The following CFDP1 variants were observed in gnomAD, a reference collection of about 807,000 sequenced individuals.
The protein encoded by CFDP1 is chromatin remodeling protein CFDP1.
A neutral mutation model predicts 40.1 loss-of-function variants in CFDP1; 31 were observed. The observed-to-expected ratio is 0.77, with a 90% CI of 0.58 to 1.04. The LOEUF (loss-of-function observed/expected upper bound fraction) is 1.04. CFDP1 is among the 50% of genes least tolerant of loss of function. CFDP1 has a pLI of 0.00. For missense variants in CFDP1, 423 were observed against 343.4 expected (o/e 1.23, Z -1.83); for synonymous variants, 167 against 120.0 (o/e 1.39, Z -2.56).
chr16:75,305,231 T>G, intron 5 of CFDP1, 49 bp from the exon 6 acceptor site: 3 of 1,578,864 alleles, frequency 1.9e-6, no homozygotes, highest in Non-Finnish European at 2.6e-6. Flanking sequence ...CTCTGATCTC[T>G]ATATTAACAG....
chr16:75,328,978 C>T (rs189167040), intron 5 of CFDP1, among the ~76,000 whole-genome samples: 15 of 151,980 alleles, frequency 9.9e-5, no homozygotes, highest in African/African-American at 3.1e-4. Context: ...TCCCGAGCAG[C>T]TGGGACTACA....
intron 4 of CFDP1, among the ~76,000 whole-genome samples, chr16:75,409,051 G>A (rs1473717123): frequency 1.3e-5 from 2 of 151,676 alleles, no homozygotes; most frequent in Non-Finnish European, 2.9e-5. Flanking sequence ...TAGAGACGGG[G>A]TTTCATCATG....
chr16:75,396,706 A>T (rs1340331966), intron 4 of CFDP1, among the ~76,000 whole-genome samples: 1 of 110,482 alleles, frequency 9.1e-6, no homozygotes, highest in Non-Finnish European at 2.1e-5. Context: ...AATTATCTTC[A>T]CTAAAACTGA....
chr16:75,343,852 C>G (rs9928744), intron 5 of CFDP1, among the ~76,000 whole-genome samples: 1 of 152,000 alleles, frequency 6.6e-6, no homozygotes, highest in Non-Finnish European at 1.5e-5. Context: ...TGTAGATGAT[C>G]TGGTAGTTGA....
intron 5 of CFDP1, among the ~76,000 whole-genome samples, chr16:75,311,806 T>C (rs2078294572): frequency 6.6e-6 from 1 of 151,022 alleles, no homozygotes; most frequent in Non-Finnish European, 1.5e-5. Context: ...AGTCTTGCTA[T>C]GTTGCCCAGA....
intron 5 of CFDP1, among the ~76,000 whole-genome samples, chr16:75,373,528 AC>A (rs1434788132): frequency 6.6e-6 from 1 of 151,888 alleles, no homozygotes; most frequent in African/African-American, 2.4e-5. Context: ...ACCCCTGCCC[AC>A]CCCCCATTCT....
chr16:75,321,706 C>A (rs1597329806), intron 5 of CFDP1, among the ~76,000 whole-genome samples: 1 of 152,200 alleles, frequency 6.6e-6, no homozygotes, highest in Non-Finnish European at 1.5e-5. Flanking sequence ...CCCTTGGACA[C>A]CCCTGCTTTA....
intron 1 of CFDP1, among the ~76,000 whole-genome samples, chr16:75,430,989 G>A (rs1014933735): frequency 2.6e-5 from 4 of 152,130 alleles, no homozygotes; most frequent in Admixed American, 2.6e-4. Flanking sequence ...GGTTGGGGGC[G>A]CCTTAGAATT....
chr16:75,397,226 A>G (rs1275237726), intron 4 of CFDP1, among the ~76,000 whole-genome samples: 1 of 149,088 alleles, frequency 6.7e-6, no homozygotes, highest in Non-Finnish European at 1.5e-5. Flanking sequence ...TTTTTGTTTT[A>G]AAACCAGGCC....
intron 5 of CFDP1, among the ~76,000 whole-genome samples, chr16:75,317,676 T>C (rs1223127280): frequency 6.6e-6 from 1 of 152,174 alleles, no homozygotes; most frequent in Admixed American, 6.5e-5. Flanking sequence ...AAGACCATAA[T>C]GACAACTTTA....
At chr16:75,364,165 T>G (rs746126970) in intron 5 of CFDP1, among the ~76,000 whole-genome samples, 1 of 152,078 alleles carries the variant, frequency 6.6e-6, no homozygotes, top group Non-Finnish European at 1.5e-5. Flanking sequence ...AAAAAACTAT[T>G]ACTTTAAGCA....
chr16:75,418,732 TAAAAA>T (rs35716697), intron 1 of CFDP1, among the ~76,000 whole-genome samples: 1 of 130,640 alleles, frequency 7.7e-6, no homozygotes. Flanking sequence ...AAAGGCTCCC[TAAAAA>T]AAAAAAAAAA....
At position 75,305,026 on chromosome 16, in the gene CFDP1, C is replaced by G; in HGVS notation, c.807G>C (p.Glu269Asp). The change falls in exon 6 of 7, where the codon GAG (glutamate) becomes GAC (aspartate). Residue 269 changes from glutamate (E) to aspartate (D), a missense_variant and splice_region_variant. Coordinates refer to ENST00000283882, the MANE Select transcript of CFDP1 (RefSeq NM_006324.3). ...GCATAAAACCTACTCCTTCTTACCCCTCTTTCCCTCGATTATGGATGGCCA... is the reference window on the plus strand; with the variant it reads ...GCATAAAACCTACTCCTTCTTACCCGTCTTTCCCTCGATTATGGATGGCCA... ...EELAIHNRGK[E>D]GYIERKAFLD... The G allele has an allele frequency of 6.2e-7, 1 of 1,613,798 alleles. No individual in the cohort carries two copies. The highest frequency in any genetic ancestry group is 8.5e-7 in the Non-Finnish European group (1 of 1,179,886).
chr16:75,296,342 A>G (rs1431433110), intron 6 of CFDP1, among the ~76,000 whole-genome samples: 1 of 152,052 alleles, frequency 6.6e-6, no homozygotes, highest in Non-Finnish European at 1.5e-5. Context: ...GGCTCAAACA[A>G]TCCTCCTGCT....
chr16:75,387,878 A>C (rs2078913047), intron 5 of CFDP1, among the ~76,000 whole-genome samples: 1 of 151,826 alleles, frequency 6.6e-6, no homozygotes, highest in Non-Finnish European at 1.5e-5. Context: ...ACAAAAGTAT[A>C]GAAAATGGTT....
intron 5 of CFDP1, among the ~76,000 whole-genome samples, chr16:75,346,515 G>A (rs1167587650): frequency 1.0e-4 from 15 of 143,732 alleles, no homozygotes; most frequent in Admixed American, 7.9e-4. Flanking sequence ...CCTGGGAGAC[G>A]GAGCTTGCAG....
chr16:75,351,422 T>G (rs1469772265), intron 5 of CFDP1, among the ~76,000 whole-genome samples: 1 of 152,204 alleles, frequency 6.6e-6, no homozygotes, highest in Non-Finnish European at 1.5e-5. Context: ...TAAAGGGGCC[T>G]GGAATGTTTT....
chr16:75,424,445 C>G (rs149546906), intron 1 of CFDP1, among the ~76,000 whole-genome samples: 1 of 152,210 alleles, frequency 6.6e-6, no homozygotes, highest in Non-Finnish European at 1.5e-5. Context: ...ACACTAGTTT[C>G]TTTTCCCCCT....
chr16:75,326,867 A>G (rs2078405145), intron 5 of CFDP1, among the ~76,000 whole-genome samples: 1 of 152,234 alleles, frequency 6.6e-6, no homozygotes, highest in Non-Finnish European at 1.5e-5. Flanking sequence ...CCAGAAAACC[A>G]CAAATAACAT....
Sources: gnomAD v4.1 joint callset for allele counts (sites outside exome capture counted in the v4.1 genomes callset) on GRCh38, gnomAD v4.1.1 for gene constraint, MANE v1.5 for transcripts, NCBI Gene and HGNC (gene_info 2026-07-23, HGNC 2026-07-21) for gene names.